Variants in DEPDC5 observed in about 807,000 individuals in gnomAD.
The protein encoded by DEPDC5 is GATOR1 complex protein DEPDC5.
In DEPDC5, 73 loss-of-function variants were observed where a neutral mutation model predicts 217.3. The observed-to-expected ratio is 0.34, with a 90% confidence interval of 0.28 to 0.41. DEPDC5 has a LOEUF of 0.41. Among genes scored for constraint, DEPDC5 ranks in the 10% least tolerant of loss-of-function variants. The probability of loss-of-function intolerance (pLI) is 1.00; values close to 1 mark genes in which losing one functional copy is unlikely to be tolerated. For missense variants in DEPDC5, 1,675 were observed against 2,070.1 expected (o/e 0.81, Z 3.70); for synonymous variants, 733 against 756.7 (o/e 0.97, Z 0.51).
chr22:31,860,768 G>A (rs1315596319), intron 32 of DEPDC5, among the ~76,000 whole-genome samples: 1 of 151,834 alleles, frequency 6.6e-6, no homozygotes, highest in African/African-American at 2.4e-5. Context: ...AAAAAACTAA[G>A]CAAGAACTTA....
At chr22:31,768,084 GT>G (rs933315851) in intron 6 of DEPDC5, among the ~76,000 whole-genome samples, 41 of 144,662 alleles carry the variant, frequency 2.8e-4, no homozygotes, top group South Asian at 4.4e-4. Context: ...TATTTTAATT[GT>G]TTTTTTTTTT....
chr22:31,863,867 G>A (rs1217593677), intron 33 of DEPDC5, among the ~76,000 whole-genome samples: 3 of 151,314 alleles, frequency 2.0e-5, no homozygotes, highest in Admixed American at 2.0e-4. Context: ...AGGTTGCAGT[G>A]AGCCGAGATT....
chr22:31,863,308 AG>A (rs2092578306), intron 33 of DEPDC5, among the ~76,000 whole-genome samples: 1 of 152,204 alleles, frequency 6.6e-6, no homozygotes, highest in South Asian at 2.1e-4. Context: ...CTAGGATTAC[AG>A]GTGTGCACCA....
intron 8 of DEPDC5, among the ~76,000 whole-genome samples, chr22:31,781,072 T>G (rs1030462012): frequency 1.3e-5 from 2 of 151,854 alleles, no homozygotes; most frequent in African/African-American, 4.8e-5. Context: ...CAAAATTAAC[T>G]GGGCTTGGTG....
intron 24 of DEPDC5, among the ~76,000 whole-genome samples, chr22:31,832,047 AT>A (rs2090638083): frequency 6.6e-6 from 1 of 152,184 alleles, no homozygotes. Flanking sequence ...AGTCTGGCTT[AT>A]TTCACTCACC....
At chr22:31,791,889 T>A in intron 10 of DEPDC5, 144 bp from the exon 11 acceptor site, 2 of 381,892 alleles carry the variant, frequency 5.2e-6, no homozygotes, top group Non-Finnish European at 8.7e-6. Flanking sequence ...ATAGCGCCAC[T>A]GCACTCCAGC....
In DEPDC5 at chr22:31,887,961, G is replaced by A. The variant is rs998214987; in HGVS notation, c.4034-5621G>A. ...GGGGAAGAAGGCCTGTGTATCATTTGTGACTTGTCCCTTTTTTTGTTTTTT... is the reference window on the plus strand; with the variant it reads ...GGGGAAGAAGGCCTGTGTATCATTTATGACTTGTCCCTTTTTTTGTTTTTT... On this transcript the variant is annotated intron_variant, in intron 38 of 42. Transcript: ENST00000651528. 2.0e-5 allele frequency among the ~76,000 whole-genome samples: 3 copies of A among 152,150 alleles called. No homozygotes were observed. In the East Asian group the frequency reaches 5.8e-4, roughly 29 times the overall value.
At chr22:31,828,970 G>T (rs1447980861) in intron 24 of DEPDC5, among the ~76,000 whole-genome samples, 1 of 152,194 alleles carries the variant, frequency 6.6e-6, no homozygotes. Flanking sequence ...TGCTAAATGA[G>T]GATGTGCTAG....
intron 12 of DEPDC5, among the ~76,000 whole-genome samples, chr22:31,796,696 G>A (rs73404139): frequency 0.039 from 5,802 of 149,470 alleles, 371 homozygotes; most frequent in African/African-American, 0.14. Context: ...CACCAACAGT[G>A]AGTGCTCTTT....
At chr22:31,847,638 A>G (rs959607429) in intron 31 of DEPDC5, among the ~76,000 whole-genome samples, 3 of 152,166 alleles carry the variant, frequency 2.0e-5, no homozygotes, top group African/African-American at 7.2e-5. Flanking sequence ...GCCTGGAGGT[A>G]ACTGCCCCCA....
intron 2 of DEPDC5, chr22:31,755,183 T>A (rs1042005830): frequency 5.7e-5 from 30 of 528,406 alleles, no homozygotes; most frequent in Non-Finnish European, 8.7e-5. Flanking sequence ...TAAGGAACAT[T>A]GTGAATGCTG....
intron 31 of DEPDC5, among the ~76,000 whole-genome samples, chr22:31,849,173 C>A (rs916849644): frequency 3.3e-5 from 5 of 152,146 alleles, no homozygotes; most frequent in Admixed American, 6.5e-5. Flanking sequence ...CTTCTGAGCA[C>A]CCCCAGACTG....
chr22:31,853,954 A>AC (rs1208754852), intron 31 of DEPDC5, among the ~76,000 whole-genome samples: 2 of 152,226 alleles, frequency 1.3e-5, no homozygotes, highest in Non-Finnish European at 2.9e-5. Context: ...CTGCAGAGGC[A>AC]CGTGAAGGGC....
At position 31,821,617 on chromosome 22, in the gene DEPDC5, ATATCAT is replaced by A; in HGVS notation, c.1987_1992del (p.Tyr663_His664del). Reference sequence around the variant, plus strand: ...CCTCTGCAGAGCTGCTGGAGTTAGCATATCATGAAGCTGCTGGAAGGTGAGGATGTG... The same window carrying A: ...CCTCTGCAGAGCTGCTGGAGTTAGCAGAAGCTGCTGGAAGGTGAGGATGTG... On this transcript the variant is annotated inframe_deletion, in exon 23 of 43. Coordinates refer to ENST00000651528, the MANE Select transcript of DEPDC5 (RefSeq NM_001242896.3). The A allele has an allele frequency of 6.2e-7, 1 of 1,613,872 alleles. No homozygotes were observed. Among genetic ancestry groups the A allele is most frequent in the African/African-American group, 1.3e-5 (1 of 75,062 alleles).
chr22:31,883,725 G>A (rs1387204314), intron 38 of DEPDC5, among the ~76,000 whole-genome samples: 1 of 152,206 alleles, frequency 6.6e-6, no homozygotes, highest in Non-Finnish European at 1.5e-5. Flanking sequence ...GCCTGGCCCT[G>A]AAGCCTGAAC....
At chr22:31,893,489 A>T in intron 38 of DEPDC5, 93 bp from the exon 39 acceptor site, 1 of 1,293,590 alleles carries the variant, frequency 7.7e-7, no homozygotes, top group Non-Finnish European at 1.0e-6. Context: ...AGGCACTTGT[A>T]TATAGTTTCA....
intron 37 of DEPDC5, among the ~76,000 whole-genome samples, chr22:31,876,900 C>T (rs1259122446): frequency 6.6e-6 from 1 of 152,166 alleles, no homozygotes; most frequent in Non-Finnish European, 1.5e-5. Context: ...TACCTGTAAT[C>T]CCAGCACTTT....
At chr22:31,815,385 CTTTTTTTTTTTTTT>C (rs10712869) in intron 21 of DEPDC5, 173 bp downstream of exon 21, 5 of 579,748 alleles carry the variant, frequency 8.6e-6, no homozygotes, top group Middle Eastern at 4.5e-4. Flanking sequence ...TATTATACTT[CTTTTTTTTTTTTTT>C]TTTTTTTTGG....
At chr22:31,890,655 GC>G (rs1229069916) in intron 38 of DEPDC5, among the ~76,000 whole-genome samples, 1 of 144,830 alleles carries the variant, frequency 6.9e-6, no homozygotes, top group East Asian at 2.0e-4. Context: ...GTTGCAGTGA[GC>G]CGAGATCACG....
Sources: allele counts gnomAD v4.1 joint callset (sites outside exome capture counted in the v4.1 genomes callset), GRCh38; gene constraint gnomAD v4.1.1; transcripts MANE v1.5; gene names NCBI Gene and HGNC (gene_info 2026-07-23, HGNC 2026-07-21).